ITGA4: variants seen among roughly 807,000 people sequenced by gnomAD.
ITGA4 encodes the protein integrin alpha-4.
In ITGA4, 63 loss-of-function variants were observed where a neutral mutation model predicts 133.6. That is an observed-to-expected ratio of 0.47 (90% CI 0.38 to 0.58). ITGA4 has a LOEUF of 0.58. Ranked by LOEUF, ITGA4 falls within the 20% of genes least tolerant of loss-of-function variation. ITGA4 has a pLI of 0.00. For missense variants in ITGA4, 1,076 were observed against 1,252.7 expected (o/e 0.86, Z 2.13); for synonymous variants, 483 against 438.0 (o/e 1.10, Z -1.28).
rs182671587 is a variant in ITGA4, at chr2:181,500,200, A to C, written c.1695+1423A>C. On this transcript the variant is annotated intron_variant, in intron 15 of 27. Coordinates refer to ENST00000397033, the MANE Select transcript of ITGA4 (RefSeq NM_000885.6). The stretch of plus-strand genomic sequence containing the variant: ...CCTTCAGTATCTTTTTCTCTTCCTA[A>C]GTTACCTTGCTTGTGTTTGGAACAC... Among the ~76,000 whole-genome samples the C allele has an allele frequency of 7.2e-5, 11 of 152,238 alleles. No homozygotes were observed. The East Asian group carries it at 2.1e-3, about 29-fold the overall frequency.
chr2:181,494,744 G>A lies in ITGA4; in HGVS notation c.1271G>A (p.Ser424Asn). 1 of 1,602,568 alleles carries A rather than the reference G, an allele frequency of 6.2e-7. No individual in the cohort carries two copies. The highest frequency in any genetic ancestry group is 8.5e-7 in the Non-Finnish European group (1 of 1,169,722). ...FSQRIEGLQI[S>N]KSLSMFGQSI... ...CAGAGAATTGAAGGACTTCAGATCA[G>A]CAAATCGTTAAGTATGTTTGGACAG... The change falls in exon 12 of 28, where the codon AGC becomes AAC. Residue 424 changes from serine to asparagine, a missense_variant. Ser to Asn is a conservative substitution (Grantham distance 46). Around this residue, in one of 4 missense-constraint regions of ITGA4, gnomAD observed 436 missense variants for 590.7 expected, o/e 0.74. Coordinates refer to ENST00000397033, the MANE Select transcript of ITGA4 (RefSeq NM_000885.6).
At chr2:181,494,460 G>T (rs1258290580) in intron 11 of ITGA4, among the ~76,000 whole-genome samples, 2 of 152,178 alleles carry the variant, frequency 1.3e-5, no homozygotes, top group African/African-American at 4.8e-5. Context: ...TTGAGAGGGA[G>T]TAAAGACTAT....
chr2:181,470,293 T>A (rs921590015), intron 2 of ITGA4, among the ~76,000 whole-genome samples: 5 of 147,588 alleles, frequency 3.4e-5, no homozygotes, highest in African/African-American at 1.3e-4. Flanking sequence ...TTTCTTGCAA[T>A]TTTTTTTTTA....
chr2:181,502,229 T>G (rs1274477642), intron 15 of ITGA4, among the ~76,000 whole-genome samples: 1 of 151,900 alleles, frequency 6.6e-6, no homozygotes, highest in African/African-American at 2.4e-5. Flanking sequence ...CAGACATTAG[T>G]GGGGGAACGG....
rs950847171 is a variant in ITGA4, at chr2:181,529,651, A to G, written c.2538+3A>G. 1.4e-6 allele frequency: 2 copies of G among 1,450,774 alleles called. No individual in the cohort carries two copies. The highest frequency in any genetic ancestry group is 1.7e-5 in the Admixed American group (1 of 59,118). 89.9% of individuals were successfully genotyped at this position (1,450,774 alleles called of 1,614,324 possible). On this transcript the variant is annotated splice_donor_region_variant and intron_variant, in intron 23 of 27. Transcript: ENST00000397033. ...TGTTCAACATTTTGGATGTCCAGGTAAAAATGTATTTCTTCCATCTAACCT... is the reference window on the plus strand; with the variant it reads ...TGTTCAACATTTTGGATGTCCAGGTGAAAATGTATTTCTTCCATCTAACCT...
chr2:181,494,857 A>G, intron 12 of ITGA4, 45 bp downstream of exon 12: 2 of 980,572 alleles, frequency 2.0e-6, no homozygotes, highest in Non-Finnish European at 3.3e-6. Context: ...AATAAGCTCT[A>G]TCATAGATAC....
chr2:181,493,688 G>T (rs926265019), intron 11 of ITGA4, among the ~76,000 whole-genome samples: 1 of 152,056 alleles, frequency 6.6e-6, no homozygotes, highest in Non-Finnish European at 1.5e-5. Context: ...TCATTAAATT[G>T]CATTCTGAGG....
chr2:181,526,821 C>CTGTTTTTTTTTTTTTT, intron 21 of ITGA4, among the ~76,000 whole-genome samples: 1 of 40,994 alleles, frequency 2.4e-5, no homozygotes, highest in Non-Finnish European at 5.5e-5. Flanking sequence ...AGCACATGGC[C>CTGTTTTTTTTTTTTTT]TTTTTTTTTT....
At chr2:181,471,551 G>T (rs1239589932) in intron 2 of ITGA4, among the ~76,000 whole-genome samples, 3 of 152,172 alleles carry the variant, frequency 2.0e-5, no homozygotes, top group African/African-American at 7.2e-5. Context: ...GTATCTAAGA[G>T]TGGATTAACT....
chr2:181,537,676 A>T lies in ITGA4; in HGVS notation c.*2149A>T. On this transcript the variant is annotated 3_prime_UTR_variant, in exon 28 of 28. Transcript: ENST00000397033. ...AATCCAAATTATTTCAGAATTATCT[A>T]GGTTAAATATTGATGTATTATGATG... The T allele has an allele frequency of 2.3e-6, 1 of 433,248 alleles. No homozygotes were observed. Among genetic ancestry groups the T allele is most frequent in the South Asian group, 1.7e-5 (1 of 59,788 alleles). The allele number at this position is 433,248 out of a possible 1,614,324, so 26.8% of individuals were successfully genotyped here.
intron 4 of ITGA4, 137 bp from the exon 5 acceptor site, chr2:181,478,620 T>C (rs1385956464): frequency 4.7e-6 from 2 of 427,116 alleles, no homozygotes; most frequent in Non-Finnish European, 8.6e-6. Flanking sequence ...ATTTGTTATA[T>C]CAAGGTTACT....
chr2:181,489,828 T>C (rs937267092), intron 10 of ITGA4, among the ~76,000 whole-genome samples: 3 of 152,188 alleles, frequency 2.0e-5, no homozygotes, highest in African/African-American at 7.2e-5. Context: ...TGAGTCTTCA[T>C]TGTCTATCAA....
At chr2:181,524,303 G>C (rs971359104) in intron 20 of ITGA4, 53 bp downstream of exon 20, 27 of 1,005,836 alleles carry the variant, frequency 2.7e-5, no homozygotes, top group Admixed American at 5.1e-5. Flanking sequence ...ATATTCTGAG[G>C]GGGGGGAATT....
At chr2:181,498,407 A>G (rs1686201060) in intron 14 of ITGA4, 1 of 295,976 alleles carries the variant, frequency 3.4e-6, no homozygotes. Flanking sequence ...AACCTAGAGG[A>G]AAGTTCATAA....
rs977850581 is a variant in ITGA4, at chr2:181,537,697, T to C, written c.*2170T>C. Reference sequence around the variant, plus strand: ...ATCTAGGTTAAATATTGATGTATTATGATGGTTGCAAAGTTTTTTTGTGTG... The same window carrying C: ...ATCTAGGTTAAATATTGATGTATTACGATGGTTGCAAAGTTTTTTTGTGTG... On this transcript the variant is annotated 3_prime_UTR_variant, in exon 28 of 28. Transcript: ENST00000397033. 1 of 428,358 alleles carries C rather than the reference T, an allele frequency of 2.3e-6. No homozygotes were observed. The highest frequency in any genetic ancestry group is 7.1e-5 in the East Asian group (1 of 14,004). The allele number at this position is 428,358 out of a possible 1,614,324, so 26.5% of individuals were successfully genotyped here.
At position 181,524,468 on chromosome 2, in the gene ITGA4, T is replaced by G. The variant is rs1686792399; in HGVS notation, c.2249+218T>G. ...AAGTATTTATTAGATTAGATTAGAG[T>G]AGACATGATGTGTCACGAATCAAAC... On this transcript the variant is annotated intron_variant, in intron 20 of 27. Coordinates refer to ENST00000397033, the MANE Select transcript of ITGA4 (RefSeq NM_000885.6). The G allele has an allele frequency of 3.3e-5, 14 of 425,534 alleles. No individual in the cohort carries two copies. In the East Asian group the frequency reaches 5.4e-4, roughly 16 times the overall value. The allele number at this position is 425,534 out of a possible 1,614,324, so 26.4% of individuals were successfully genotyped here. A position where few individuals can be genotyped will look rare whatever the true frequency, so the allele number is the denominator to read the frequency against.
At chr2:181,507,848 T>C (rs1426613709) in intron 15 of ITGA4, among the ~76,000 whole-genome samples, 17 of 152,166 alleles carry the variant, frequency 1.1e-4, no homozygotes, top group Admixed American at 1.1e-3. Context: ...AACCCACAGA[T>C]GTGGAACCGA....
chr2:181,519,804 GT>G (rs1325368152), intron 17 of ITGA4, among the ~76,000 whole-genome samples: 2 of 152,098 alleles, frequency 1.3e-5, no homozygotes, highest in Non-Finnish European at 2.9e-5. Flanking sequence ...GATAAACACG[GT>G]TTAAGGCTAT....
At chr2:181,515,033 C>G (rs1686578445) in intron 17 of ITGA4, among the ~76,000 whole-genome samples, 1 of 152,034 alleles carries the variant, frequency 6.6e-6, no homozygotes, top group Admixed American at 6.6e-5. Flanking sequence ...CACCTGGATG[C>G]TTGAAAGAAA....
Sources: gnomAD v4.1 joint callset for allele counts (sites outside exome capture counted in the v4.1 genomes callset) on GRCh38, gnomAD v4.1.1 for gene constraint, gnomAD v4.1.1 regional missense constraint, MANE v1.5 for transcripts, NCBI Gene and HGNC (gene_info 2026-07-23, HGNC 2026-07-21) for gene names.